C17orf107: variants seen among roughly 807,000 people sequenced by gnomAD.
C17orf107 encodes the protein chromosome 17 open reading frame 107.
Under a neutral mutation model 8.9 loss-of-function variants are expected in C17orf107, and 9 were observed. That is an observed-to-expected ratio of 1.02 (90% CI 0.61 to 1.77). The LOEUF (loss-of-function observed/expected upper bound fraction) is 1.77. Among genes scored for constraint, C17orf107 ranks in the 40% most tolerant of loss-of-function variants. The pLI is 0.00. For synonymous variants in C17orf107, 139 were observed against 120.3 expected, an observed-to-expected ratio of 1.16 and a Z score of -1.02; for missense variants, 281 against 249.0, an observed-to-expected ratio of 1.13 and a Z score of -0.86.
Position 4,901,232 on chromosome 17 carries a change from C to G in C17orf107, c.*699C>G, listed in dbSNP as rs762144942. On this transcript the variant is annotated 3_prime_UTR_variant, in exon 3 of 3. Transcript: ENST00000381365. Reference sequence around the variant, plus strand: ...CGGTCAGCTGGCTGTCAGAGCGGGGCGCCCGCCGAGCTGACAGCGGGCTGA... The same window carrying G: ...CGGTCAGCTGGCTGTCAGAGCGGGGGGCCCGCCGAGCTGACAGCGGGCTGA... The G allele has an allele frequency of 4.2e-5, 66 of 1,584,832 alleles. No individual in the cohort carries two copies. Among genetic ancestry groups the G allele is most frequent in the Non-Finnish European group, 5.2e-5 (61 of 1,169,624 alleles).
chr17:4,904,406 AG>A (rs1165516690), downstream of C17orf107, among the ~76,000 whole-genome samples: 1 of 152,084 alleles, frequency 6.6e-6, no homozygotes, highest in African/African-American at 2.4e-5. Flanking sequence ...AATCACCTGG[AG>A]GGGTGCTTAT....
downstream of C17orf107, among the ~76,000 whole-genome samples, chr17:4,903,347 G>A (rs1451748737): frequency 6.6e-6 from 1 of 152,180 alleles, no homozygotes. Context: ...AGAGGCACCT[G>A]CAACCACAAT....
downstream of C17orf107, chr17:4,902,975 G>A (rs538589071): frequency 6.2e-7 from 1 of 1,612,182 alleles, no homozygotes; most frequent in East Asian, 2.2e-5. This position sits in a 1 kb window ranked among gnomAD's most constrained non-coding sequence, Gnocchi z 4.0. Flanking sequence ...CTTCATGTCA[G>A]TATCTGTGTG....
chr17:4,899,881 C>T, intron 1 of C17orf107, 53 bp downstream of exon 1: 1 of 1,545,204 alleles, frequency 6.5e-7, no homozygotes, highest in Non-Finnish European at 8.8e-7. Flanking sequence ...GGTAGGTCTC[C>T]TGTTCGCCCC....
chr17:4,899,682 G>A lies in C17orf107; in HGVS notation c.-81G>A. The A allele has an allele frequency of 6.9e-7, 1 of 1,452,002 alleles. No homozygotes were observed. Among genetic ancestry groups the A allele is most frequent in the Non-Finnish European group, 9.5e-7 (1 of 1,057,600 alleles). 89.9% of individuals were successfully genotyped at this position (1,452,002 alleles called of 1,614,324 possible). On this transcript the variant is annotated 5_prime_UTR_variant, in exon 1 of 3. Coordinates refer to ENST00000381365, the MANE Select transcript of C17orf107 (RefSeq NM_001145536.2). Reference sequence around the variant, plus strand: ...ACACGGCTTCTCCTGGTACGGGCTGGTTACGCCCTCCAGCTGCGCCCCCTA... The same window carrying A: ...ACACGGCTTCTCCTGGTACGGGCTGATTACGCCCTCCAGCTGCGCCCCCTA...
At chr17:4,902,948 CTT>C, downstream of C17orf107, 2 of 1,606,336 alleles carry the variant, frequency 1.2e-6, no homozygotes, top group South Asian at 1.1e-5. This position sits in a 1 kb window ranked among gnomAD's most constrained non-coding sequence, Gnocchi z 4.0. Flanking sequence ...TGGTCTCTGT[CTT>C]TGTCTTCCCA....
At position 4,902,078 on chromosome 17, in the gene C17orf107, G is replaced by T. The variant is rs763520880; in HGVS notation, c.*1545G>T. The stretch of plus-strand genomic sequence containing the variant: ...TGGCGTCGTAGGCCACTCCGAACTG[G>T]CCATCAATACTGTGGGCTCGGGGAA... On this transcript the variant is annotated 3_prime_UTR_variant, in exon 3 of 3. Transcript: ENST00000381365. The surrounding 1 kb of genome is among the most constrained non-coding windows in gnomAD (Gnocchi z 4.0). 3 of 1,614,040 alleles carry T rather than the reference G, an allele frequency of 1.9e-6. No individual in the cohort carries two copies. In the South Asian group the frequency reaches 3.3e-5, roughly 18 times the overall value.
Position 4,901,306 on chromosome 17 carries a change from G to T in C17orf107, c.*773G>T. On this transcript the variant is annotated 3_prime_UTR_variant, in exon 3 of 3. Transcript: ENST00000381365. Reference sequence around the variant, plus strand: ...CCAGGGTCATGGGCCGTCAGGATGGGGGCAATTACGGACAGAAAAGGGCAT... The same window carrying T: ...CCAGGGTCATGGGCCGTCAGGATGGTGGCAATTACGGACAGAAAAGGGCAT... The T allele has an allele frequency of 1.7e-6, 2 of 1,170,350 alleles. No individual in the cohort carries two copies. The highest frequency in any genetic ancestry group is 2.5e-6 in the Non-Finnish European group (2 of 809,644). 72.5% of individuals were successfully genotyped at this position (1,170,350 alleles called of 1,614,324 possible). A position where few individuals can be genotyped will look rare whatever the true frequency, so the allele number is the denominator to read the frequency against.
In C17orf107 at chr17:4,899,651, T is replaced by C. The variant is rs117949012; in HGVS notation, c.-112T>C. 6.8e-3 allele frequency: 9,864 copies of C among 1,455,834 alleles called. 71 individuals are homozygous for C. Among genetic ancestry groups the C allele is most frequent in the South Asian group, 0.014 (1,157 of 82,244 alleles). The allele number at this position is 1,455,834 out of a possible 1,614,324, so 90.2% of individuals were successfully genotyped here. ...CTACCGAAGGCGCCGCGCGCTGACC[T>C]CACAAACACGGCTTCTCCTGGTACG... On this transcript the variant is annotated 5_prime_UTR_variant, in exon 1 of 3. Coordinates refer to ENST00000381365, the MANE Select transcript of C17orf107 (RefSeq NM_001145536.2).
chr17:4,901,340 AG>A lies in C17orf107; in HGVS notation c.*810del. 1.0e-6 allele frequency: 1 copy of A among 985,488 alleles called. No homozygotes were observed. Among genetic ancestry groups the A allele is most frequent in the East Asian group, 2.6e-5 (1 of 39,150 alleles). 61.0% of individuals were successfully genotyped at this position (985,488 alleles called of 1,614,324 possible). A position where few individuals can be genotyped will look rare whatever the true frequency, so the allele number is the denominator to read the frequency against. On this transcript the variant is annotated 3_prime_UTR_variant, in exon 3 of 3. Coordinates refer to ENST00000381365, the MANE Select transcript of C17orf107 (RefSeq NM_001145536.2). Reference sequence around the variant, plus strand: ...CGGACAGAAAAGGGCATTCTCGTTGAGGGTATGGAAAGCCAGAAGGCAGGAC... The same window carrying A: ...CGGACAGAAAAGGGCATTCTCGTTGAGGTATGGAAAGCCAGAAGGCAGGAC...
Position 4,901,077 on chromosome 17 carries a change from T to G in C17orf107, c.*544T>G, listed in dbSNP as rs746993242. On this transcript the variant is annotated 3_prime_UTR_variant, in exon 3 of 3. Transcript: ENST00000381365. ...ATGTTAATGACGTAGAAGAGCGGCT[T>G]CCGGCGGATGATGAGCGAGTAGATG... 1.9e-6 allele frequency: 3 copies of G among 1,613,910 alleles called. No individual in the cohort carries two copies. The highest frequency in any genetic ancestry group is 1.1e-5 in the South Asian group (1 of 91,082).
Position 4,902,073 on chromosome 17 carries a change from A to G in C17orf107, c.*1540A>G, listed in dbSNP as rs771356927. Reference sequence around the variant, plus strand: ...CACGTTGGCGTCGTAGGCCACTCCGAACTGGCCATCAATACTGTGGGCTCG... The same window carrying G: ...CACGTTGGCGTCGTAGGCCACTCCGGACTGGCCATCAATACTGTGGGCTCG... On this transcript the variant is annotated 3_prime_UTR_variant, in exon 3 of 3. Transcript: ENST00000381365. The surrounding 1 kb of genome is among the most constrained non-coding windows in gnomAD (Gnocchi z 4.0). 7.0e-5 allele frequency: 113 copies of G among 1,613,860 alleles called. No homozygotes were observed. Among genetic ancestry groups the G allele is most frequent in the Non-Finnish European group, 9.2e-5 (109 of 1,180,020 alleles).
rs760274806 is a variant in C17orf107 at position 4,900,841 on chromosome 17, A to G, written c.*308A>G. ...AGAAGTCTCTGGGATTTTCTGGGCAATGAGGAACAAGAAGACGGTCTGGGC... is the reference window on the plus strand; with the variant it reads ...AGAAGTCTCTGGGATTTTCTGGGCAGTGAGGAACAAGAAGACGGTCTGGGC... On this transcript the variant is annotated 3_prime_UTR_variant, in exon 3 of 3. Transcript: ENST00000381365. The G allele has an allele frequency of 1.2e-6, 2 of 1,614,178 alleles. No homozygotes were observed. The highest frequency in any genetic ancestry group is 1.1e-5 in the South Asian group (1 of 91,084).
In C17orf107 at chr17:4,900,634, C is replaced by T. The variant is rs1022488693; in HGVS notation, c.*101C>T. 9.4e-6 allele frequency: 14 copies of T among 1,484,972 alleles called. No homozygotes were observed. The Admixed American group carries it at 2.4e-4, about 25-fold the overall frequency. 92.0% of individuals were successfully genotyped at this position (1,484,972 alleles called of 1,614,324 possible). A position where few individuals can be genotyped will look rare whatever the true frequency, so the allele number is the denominator to read the frequency against. On this transcript the variant is annotated 3_prime_UTR_variant, in exon 3 of 3. Coordinates refer to ENST00000381365, the MANE Select transcript of C17orf107 (RefSeq NM_001145536.2). Reference sequence around the variant, plus strand: ...TGACGTCCAGCAGCAGTGAGGAGGACGGCGGACCAGGGACTCCATCCCCGT... The same window carrying T: ...TGACGTCCAGCAGCAGTGAGGAGGATGGCGGACCAGGGACTCCATCCCCGT...
rs200515887 is a variant in C17orf107, at chr17:4,902,056, C to A, written c.*1523C>A. 3 of 1,614,112 alleles carry A rather than the reference C, an allele frequency of 1.9e-6. No homozygotes were observed. Among genetic ancestry groups the A allele is most frequent in the Admixed American group, 3.3e-5 (2 of 60,026 alleles). On this transcript the variant is annotated 3_prime_UTR_variant, in exon 3 of 3. Transcript: ENST00000381365. The surrounding 1 kb of genome is among the most constrained non-coding windows in gnomAD (Gnocchi z 4.0). ...CCGCCCTCGTAGACGAGCACGTTGGCGTCGTAGGCCACTCCGAACTGGCCA... is the reference window on the plus strand; with the variant it reads ...CCGCCCTCGTAGACGAGCACGTTGGAGTCGTAGGCCACTCCGAACTGGCCA...
rs2151098969 is a variant in C17orf107 at position 4,902,750 on chromosome 17, C to T, written c.*2217C>T. ...GATAAAGACGCAGTTCCTCGTTCTT[C>T]CCCACACCCCTGCCTGCGATGGGGT... is the stretch of plus-strand genomic sequence containing the variant. On this transcript the variant is annotated 3_prime_UTR_variant, in exon 3 of 3. Transcript: ENST00000381365. The surrounding 1 kb of genome is among the most constrained non-coding windows in gnomAD (Gnocchi z 4.0). The T allele has an allele frequency of 6.2e-7, 1 of 1,614,022 alleles. No individual in the cohort carries two copies. Among genetic ancestry groups the T allele is most frequent in the African/African-American group, 1.3e-5 (1 of 74,988 alleles).
rs765204127 is a variant in C17orf107 at position 4,900,358 on chromosome 17, T to C, written c.398T>C (p.Val133Ala). The C allele has an allele frequency of 6.5e-5, 101 of 1,547,650 alleles. No individual in the cohort carries two copies. The highest frequency in any genetic ancestry group is 8.0e-5 in the Non-Finnish European group (92 of 1,146,256). Residue 133 changes from valine to alanine, a missense_variant, in exon 3 of 3, where the codon GTT becomes GCT. Transcript: ENST00000381365. ...SRVAQAAGQG[V>A]RQAGAAVGAS... ...GTAGCCCAAGCCGCAGGGCAGGGGG[T>C]TCGGCAAGCTGGGGCTGCGGTGGGC...
Position 4,900,236 on chromosome 17 carries a change from G to GCC in C17orf107, c.277-1_277insCC (p.Ile93ProfsTer14). On this transcript the variant is annotated frameshift_variant and splice_region_variant. Coordinates refer to ENST00000381365, the MANE Select transcript of C17orf107 (RefSeq NM_001145536.2). LOFTEE classifies it high-confidence loss of function. ...CGCTAACCCCTGTGCCCCCAATGCAGATCTCAGCCCTGTGGCTGCAGCAGG... is the reference window on the plus strand; with the variant it reads ...CGCTAACCCCTGTGCCCCCAATGCAGCCATCTCAGCCCTGTGGCTGCAGCAGG... 1 of 1,547,338 alleles carries GCC rather than the reference G, an allele frequency of 6.5e-7. No homozygotes were observed. Among genetic ancestry groups the GCC allele is most frequent in the Non-Finnish European group, 8.7e-7 (1 of 1,146,276 alleles).
At chr17:4,899,891 C>T (rs1319873073) in intron 1 of C17orf107, 45 bp from the exon 2 acceptor site, 2 of 1,548,090 alleles carry the variant, frequency 1.3e-6, no homozygotes, top group African/African-American at 2.7e-5. Context: ...CTGTTCGCCC[C>T]TGTGACCCCT....
Sources: gnomAD v4.1 joint callset for allele counts (sites outside exome capture counted in the v4.1 genomes callset) on GRCh38, gnomAD v4.1.1 for gene constraint, Gnocchi (gnomAD v3.1) non-coding constraint, MANE v1.5 for transcripts, NCBI Gene and HGNC (gene_info 2026-07-23, HGNC 2026-07-21) for gene names.